Variants in KCNQ1 observed in about 807,000 individuals in gnomAD.
KCNQ1 encodes potassium voltage-gated channel subfamily KQT member 1.
KCNQ1 carries 49 observed loss-of-function variants against 72.4 expected under a neutral mutation model. The ratio of observed to expected loss-of-function variants is 0.68; its 90% confidence interval spans 0.54 to 0.86. The LOEUF is 0.86. KCNQ1 is among the 40% of genes least tolerant of loss of function. The pLI, the probability that KCNQ1 is intolerant of heterozygous loss-of-function variation, is 0.00. For synonymous variants in KCNQ1, 450 were observed against 412.6 expected (o/e 1.09, Z -1.10); for missense variants, 790 against 945.1 (o/e 0.84, Z 2.15).
At chr11:2,461,879 C>A in intron 1 of KCNQ1, 1 of 480,742 alleles carries the variant, frequency 2.1e-6, no homozygotes, top group South Asian at 1.8e-5. Flanking sequence ...GAGGGATGGG[C>A]AGGGAGAGAA....
At chr11:2,660,381 A>G (rs1289825641) in intron 10 of KCNQ1, 2 of 398,450 alleles carry the variant, frequency 5.0e-6, no homozygotes, top group Non-Finnish European at 8.8e-6. Context: ...GATGTGGGAA[A>G]ACCTTCCTTT....
intron 12 of KCNQ1, among the ~76,000 whole-genome samples, chr11:2,771,929 C>T (rs1846607165): frequency 6.6e-6 from 1 of 152,198 alleles, no homozygotes; most frequent in African/African-American, 2.4e-5. Context: ...CTTCCTGAAG[C>T]AGACTGGGAA....
rs1848696526 is a variant in KCNQ1, at chr11:2,593,516, G to A, written c.1393+4662G>A. ...GGGAGGCGTCTTCAAAGCTGTGCCTGTGTGTGTCACCACGTGTTTGCCAGG... is the reference window on the plus strand; with the variant it reads ...GGGAGGCGTCTTCAAAGCTGTGCCTATGTGTGTCACCACGTGTTTGCCAGG... On this transcript the variant is annotated intron_variant, in intron 10 of 15. Coordinates refer to ENST00000155840, the MANE Select transcript of KCNQ1 (RefSeq NM_000218.3). The surrounding 1 kb of genome is among the most constrained non-coding windows in gnomAD (Gnocchi z 6.9). 2.0e-5 allele frequency among the ~76,000 whole-genome samples: 3 copies of A among 152,242 alleles called. No homozygotes were observed. The highest frequency in any genetic ancestry group is 4.4e-5 in the Non-Finnish European group (3 of 68,034).
At position 2,687,168 on chromosome 11, in the gene KCNQ1, A is replaced by C. The variant is rs913076584; in HGVS notation, c.1514+25087A>C. On this transcript the variant is annotated intron_variant, in intron 11 of 15. Transcript: ENST00000155840. This position sits in a 1 kb window ranked among gnomAD's most constrained non-coding sequence, Gnocchi z 5.0. The stretch of plus-strand genomic sequence containing the variant: ...AGCCAGCTTCCTCCACAAAGCACAG[A>C]AGTCTGCCAAAAGCCCAGGCTGGAT... 2 of 398,440 alleles carry C rather than the reference A, an allele frequency of 5.0e-6. No homozygotes were observed. The highest frequency in any genetic ancestry group is 8.8e-6 in the Non-Finnish European group (2 of 226,066). The allele number at this position is 398,440 out of a possible 1,614,324, so 24.7% of individuals were successfully genotyped here.
rs1292080598 is a variant in KCNQ1 at position 2,642,614 on chromosome 11, G to A, written c.1394-19347G>A. ...GTTATTTTGTTTCTTTTCAAAAACC[G>A]ATTTTGCATTTCATTGATCCTTTAT... On this transcript the variant is annotated intron_variant, in intron 10 of 15. Transcript: ENST00000155840. The surrounding 1 kb of genome is among the most constrained non-coding windows in gnomAD (Gnocchi z 4.3). 7.5e-6 allele frequency: 3 copies of A among 397,664 alleles called. No individual in the cohort carries two copies. The highest frequency in any genetic ancestry group is 7.2e-5 in the East Asian group (2 of 27,916). 24.6% of individuals were successfully genotyped at this position (397,664 alleles called of 1,614,324 possible). A position where few individuals can be genotyped will look rare whatever the true frequency, so the allele number is the denominator to read the frequency against.
intron 10 of KCNQ1, among the ~76,000 whole-genome samples, chr11:2,605,920 G>A (rs1413239199): frequency 1.3e-5 from 2 of 152,120 alleles, no homozygotes; most frequent in Non-Finnish European, 2.9e-5. Flanking sequence ...AGCATGTAAT[G>A]TCTGTCCATT....
chr11:2,539,369 A>G (rs998870922), intron 2 of KCNQ1, among the ~76,000 whole-genome samples: 1 of 152,164 alleles, frequency 6.6e-6, no homozygotes, highest in East Asian at 1.9e-4. Context: ...TTTTCAAGCT[A>G]CAGGAGCGCA....
In KCNQ1 at chr11:2,679,602, C is replaced by T. The variant is rs573982383; in HGVS notation, c.1514+17521C>T. The T allele has an allele frequency of 2.5e-5, 10 of 398,342 alleles. No individual in the cohort carries two copies. Among genetic ancestry groups the T allele is most frequent in the East Asian group, 1.1e-4 (3 of 28,086 alleles). 24.7% of individuals were successfully genotyped at this position (398,342 alleles called of 1,614,324 possible). A position where few individuals can be genotyped will look rare whatever the true frequency, so the allele number is the denominator to read the frequency against. ...GTGCCTGACAAAGCTGATGGGGAGG[C>T]GAGTTGGAATGAATAGTATCAGCAT... On this transcript the variant is annotated intron_variant, in intron 11 of 15. Transcript: ENST00000155840. This position sits in a 1 kb window ranked among gnomAD's most constrained non-coding sequence, Gnocchi z 4.8.
At position 2,623,114 on chromosome 11, in the gene KCNQ1, G is replaced by C. The variant is rs190960644; in HGVS notation, c.1393+34260G>C. Reference sequence around the variant, plus strand: ...AGATCTGGTTGTTTAAACGTGTGTGGCACTTCCCATCTCACTTTCTTTCCC... The same window carrying C: ...AGATCTGGTTGTTTAAACGTGTGTGCCACTTCCCATCTCACTTTCTTTCCC... On this transcript the variant is annotated intron_variant, in intron 10 of 15. Coordinates refer to ENST00000155840, the MANE Select transcript of KCNQ1 (RefSeq NM_000218.3). The surrounding 1 kb of genome is among the most constrained non-coding windows in gnomAD (Gnocchi z 5.2). 5,148 of 398,566 alleles carry C rather than the reference G, an allele frequency of 0.013. 157 individuals carry two copies. The highest frequency in any genetic ancestry group is 0.081 in the East Asian group (2,284 of 28,066). The allele number at this position is 398,566 out of a possible 1,614,324, so 24.7% of individuals were successfully genotyped here.
rs761262181 is a variant in KCNQ1, at chr11:2,664,757, C to G, written c.1514+2676C>G. 2.5e-6 allele frequency: 1 copy of G among 398,616 alleles called. No individual in the cohort carries two copies. The highest frequency in any genetic ancestry group is 4.4e-6 in the Non-Finnish European group (1 of 226,188). 24.7% of individuals were successfully genotyped at this position (398,616 alleles called of 1,614,324 possible). A position where few individuals can be genotyped will look rare whatever the true frequency, so the allele number is the denominator to read the frequency against. ...GAGGGACAGGGATGTGTGCTGGGGT[C>G]TCACAGGGGGCAGAGTGGGTGGGAG... On this transcript the variant is annotated intron_variant, in intron 11 of 15. Transcript: ENST00000155840. The surrounding 1 kb of genome is among the most constrained non-coding windows in gnomAD (Gnocchi z 5.1).
intron 10 of KCNQ1, chr11:2,644,145 A>G (rs1050323253): frequency 1.1e-4 from 45 of 398,376 alleles, no homozygotes; most frequent in Non-Finnish European, 2.2e-5. Flanking sequence ...CTCTTGGGAG[A>G]TTGGGAAGTG....
At chr11:2,616,531 A>C (rs1206672798) in intron 10 of KCNQ1, 5 of 397,792 alleles carry the variant, frequency 1.3e-5, no homozygotes, top group African/African-American at 2.1e-5. Flanking sequence ...CACAGCTATA[A>C]TTTTTCCTCT....
rs9704861 is a variant in KCNQ1 at position 2,549,696 on chromosome 11, A to C, written c.478-20932A>C. Among the ~76,000 whole-genome samples, 5 of 151,976 alleles carry C rather than the reference A, an allele frequency of 3.3e-5. No homozygotes were observed. The South Asian group carries it at 6.2e-4, about 19-fold the overall frequency. ...GAACAAGAGGCGTTTTGTGTTCTGC[A>C]TGGGTGGCCCTGGGCTCCCCAGGCC... On this transcript the variant is annotated intron_variant, in intron 2 of 15. Transcript: ENST00000155840. This position sits in a 1 kb window ranked among gnomAD's most constrained non-coding sequence, Gnocchi z 6.2.
At chr11:2,776,774 CCT>C (rs1220842057) in intron 13 of KCNQ1, among the ~76,000 whole-genome samples, 1 of 152,206 alleles carries the variant, frequency 6.6e-6, no homozygotes, top group East Asian at 1.9e-4. Flanking sequence ...ACCGACTCCC[CCT>C]TTCCGAGATC....
In KCNQ1 at chr11:2,710,669, G is replaced by A. The variant is rs1850987651; in HGVS notation, c.1514+48588G>A. ...TAGTTTAACATATGGTGTGAGGTAG[G>A]GGTCTAACTTTATTCTTTGTCATGT... is the stretch of plus-strand genomic sequence containing the variant. On this transcript the variant is annotated intron_variant, in intron 11 of 15. Transcript: ENST00000155840. This position sits in a 1 kb window ranked among gnomAD's most constrained non-coding sequence, Gnocchi z 4.1. Among the ~76,000 whole-genome samples, 1 of 152,154 alleles carries A rather than the reference G, an allele frequency of 6.6e-6. No individual in the cohort carries two copies. The highest frequency in any genetic ancestry group is 1.5e-5 in the Non-Finnish European group (1 of 68,020).
chr11:2,645,821 T>C lies in KCNQ1; in HGVS notation c.1394-16140T>C, dbSNP rs1185729583. 31 of 398,538 alleles carry C rather than the reference T, an allele frequency of 7.8e-5. No homozygotes were observed. Among genetic ancestry groups the C allele is most frequent in the Non-Finnish European group, 4.0e-5 (9 of 226,146 alleles). The allele number at this position is 398,538 out of a possible 1,614,324, so 24.7% of individuals were successfully genotyped here. A position where few individuals can be genotyped will look rare whatever the true frequency, so the allele number is the denominator to read the frequency against. ...GGGTTGGGCTATCAAAATGGGACTT[T>C]CCTGAAGTTGCCTGAGGATTCAGGG... is the stretch of plus-strand genomic sequence containing the variant. On this transcript the variant is annotated intron_variant, in intron 10 of 15. Transcript: ENST00000155840. The surrounding 1 kb of genome is among the most constrained non-coding windows in gnomAD (Gnocchi z 5.8).
At chr11:2,596,219 A>G (rs1365516116) in intron 10 of KCNQ1, among the ~76,000 whole-genome samples, 1 of 152,220 alleles carries the variant, frequency 6.6e-6, no homozygotes. Context: ...GAACTCTCAT[A>G]TGCTCCCGGT....
intron 10 of KCNQ1, chr11:2,635,584 G>A (rs1849450922): frequency 6.6e-6 from 1 of 152,150 alleles, no homozygotes; most frequent in South Asian, 2.1e-4. Flanking sequence ...GGTGACTGTA[G>A]CCTTGTAGTA....
intron 11 of KCNQ1, among the ~76,000 whole-genome samples, chr11:2,721,898 C>T (rs1851208992): frequency 6.6e-6 from 1 of 152,234 alleles, no homozygotes; most frequent in South Asian, 2.1e-4. Flanking sequence ...GGAGACCCCA[C>T]CGTGGACTTC....
Sources: allele counts gnomAD v4.1 joint callset (sites outside exome capture counted in the v4.1 genomes callset), GRCh38; gene constraint gnomAD v4.1.1; non-coding constraint Gnocchi (gnomAD v3.1); transcripts MANE v1.5; gene names NCBI Gene and HGNC (gene_info 2026-07-23, HGNC 2026-07-21).